BLTP3A: variants seen among roughly 807,000 people sequenced by gnomAD.
The protein encoded by BLTP3A is ICBP90 binding protein 1.
the BLTP3A span, among the ~76,000 whole-genome samples, chr6:34,847,323 T>C: frequency 6.6e-6 from 1 of 152,146 alleles, no homozygotes; most frequent in East Asian, 1.9e-4. Context: ...ACTGGCTTCA[T>C]AGAATGATTC....
the BLTP3A span, among the ~76,000 whole-genome samples, chr6:34,829,631 GTTC>G: frequency 2.7e-3 from 403 of 151,878 alleles, 1 homozygote; most frequent in African/African-American, 8.2e-3. Context: ...CTAGTTTCTG[GTTC>G]TTCTTCTTTT....
At chr6:34,829,649 T>G in the BLTP3A span, among the ~76,000 whole-genome samples, 1 of 152,104 alleles carries the variant, frequency 6.6e-6, no homozygotes, top group Non-Finnish European at 1.5e-5. Context: ...TCTTTTTTTT[T>G]TCTGAGACAG....
chr6:34,846,336 G>T, the BLTP3A span, among the ~76,000 whole-genome samples: 1 of 151,684 alleles, frequency 6.6e-6, no homozygotes, highest in Admixed American at 6.6e-5. Flanking sequence ...GTAGGGATGG[G>T]GTTTCACCAT....
chr6:34,851,221 C>T, the BLTP3A span, among the ~76,000 whole-genome samples: 2 of 151,986 alleles, frequency 1.3e-5, no homozygotes, highest in Non-Finnish European at 2.9e-5. Flanking sequence ...GATGTCTGGG[C>T]ATTAAAGAGT....
chr6:34,858,261 C>G, the BLTP3A span: 24 of 1,614,154 alleles, frequency 1.5e-5, no homozygotes, highest in Non-Finnish European at 1.9e-5. Context: ...AGAGTCTCTT[C>G]CGGGGTTTTG....
the BLTP3A span, chr6:34,834,314 G>C: frequency 2.5e-6 from 4 of 1,614,072 alleles, no homozygotes; most frequent in Non-Finnish European, 3.4e-6. Context: ...CGCTTCTTTT[G>C]AATTGTGGCA....
the BLTP3A span, among the ~76,000 whole-genome samples, chr6:34,822,753 A>G: frequency 6.6e-6 from 1 of 151,112 alleles, no homozygotes; most frequent in Non-Finnish European, 1.5e-5. Context: ...GCTACTCGGG[A>G]GGCTGGGGCA....
the BLTP3A span, among the ~76,000 whole-genome samples, chr6:34,863,042 A>G: frequency 6.6e-6 from 1 of 151,882 alleles, no homozygotes; most frequent in Non-Finnish European, 1.5e-5. Flanking sequence ...CAGTAGCTGG[A>G]CTACAGGCGC....
chr6:34,875,097 A>G, the BLTP3A span: 1 of 152,634 alleles, frequency 6.6e-6, no homozygotes, highest in Non-Finnish European at 1.5e-5. Flanking sequence ...TCAGAAATGT[A>G]AGGAGCTCAT....
chr6:34,796,747 G>A, the BLTP3A span, among the ~76,000 whole-genome samples: 1 of 152,230 alleles, frequency 6.6e-6, no homozygotes, highest in Non-Finnish European at 1.5e-5. Context: ...AATCAGCAGG[G>A]CAGCCTTTTG....
chr6:34,813,404 T>C, the BLTP3A span, among the ~76,000 whole-genome samples: 1 of 152,214 alleles, frequency 6.6e-6, no homozygotes, highest in Non-Finnish European at 1.5e-5. Context: ...GAATTTTCAC[T>C]TCCAAACATT....
chr6:34,815,241 G>GTGTTTGTTTGTTTGTTTGTT, the BLTP3A span, among the ~76,000 whole-genome samples: 2 of 151,400 alleles, frequency 1.3e-5, no homozygotes, highest in African/African-American at 4.9e-5. Context: ...AAATAAGTTG[G>GTGTTTGTTTGTTTGTTTGTT]TGTTTGTTTG....
chr6:34,831,080 C>T, the BLTP3A span, among the ~76,000 whole-genome samples: 3 of 151,480 alleles, frequency 2.0e-5, no homozygotes, highest in South Asian at 4.2e-4. Context: ...AAATGTACTG[C>T]AGATATCTTC....
chr6:34,871,224 G>A, the BLTP3A span: 9 of 1,287,604 alleles, frequency 7.0e-6, no homozygotes, highest in Non-Finnish European at 8.5e-6. Flanking sequence ...CCTTTTCACT[G>A]TAAAATATGG....
the BLTP3A span, chr6:34,836,332 C>G: frequency 6.2e-7 from 1 of 1,613,984 alleles, no homozygotes; most frequent in Admixed American, 1.7e-5. Flanking sequence ...GTGATGATAG[C>G]CAGTCCCGAG....
chr6:34,867,245 C>A, the BLTP3A span: 1 of 1,613,210 alleles, frequency 6.2e-7, no homozygotes, highest in Non-Finnish European at 8.5e-7. Flanking sequence ...AGAATCTGTT[C>A]CACCAGGATC....
At chr6:34,853,060 A>G in the BLTP3A span, among the ~76,000 whole-genome samples, 1 of 152,330 alleles carries the variant, frequency 6.6e-6, no homozygotes, top group African/African-American at 2.4e-5. Context: ...GGTGTCAGCA[A>G]TTCAAAACTG....
At chr6:34,820,163 G>A in the BLTP3A span, among the ~76,000 whole-genome samples, 1 of 151,150 alleles carries the variant, frequency 6.6e-6, no homozygotes, top group Admixed American at 6.6e-5. Context: ...TTCAAGTAGT[G>A]CTAAAAAAAA....
chr6:34,864,849 T>G, the BLTP3A span, among the ~76,000 whole-genome samples: 1 of 152,022 alleles, frequency 6.6e-6, no homozygotes, highest in Non-Finnish European at 1.5e-5. Flanking sequence ...GTGCTTGTAA[T>G]CTCAACTACT....
Sources: gnomAD v4.1 joint callset for allele counts (sites outside exome capture counted in the v4.1 genomes callset) on GRCh38, gnomAD v4.1.1 for gene constraint, MANE v1.5 for transcripts, NCBI Gene and HGNC (gene_info 2026-07-23, HGNC 2026-07-21) for gene names.